PCDHA11: variants seen among roughly 807,000 people sequenced by gnomAD.
PCDHA11 encodes the protein protocadherin alpha 11.
PCDHA11 carries 61 observed loss-of-function variants against 70.3 expected under a neutral mutation model. The ratio of observed to expected loss-of-function variants is 0.87; its 90% CI spans 0.71 to 1.07. The LOEUF is 1.07. PCDHA11 is among the 50% of genes least tolerant of loss of function. PCDHA11 has a pLI of 0.00. For missense variants in PCDHA11, 1,324 were observed against 1,237.5 expected (o/e 1.07, Z -1.05); for synonymous variants, 633 against 555.1 (o/e 1.14, Z -1.97).
At chr5:140,997,062 G>T (rs1159348962) in intron 3 of PCDHA11, among the ~76,000 whole-genome samples, 2 of 151,910 alleles carry the variant, frequency 1.3e-5, no homozygotes, top group African/African-American at 4.8e-5. Flanking sequence ...GCAGTTTTAG[G>T]TTCACAGGAA....
intron 1 of PCDHA11, among the ~76,000 whole-genome samples, chr5:140,889,020 TG>T (rs1554183734): frequency 1.3e-5 from 2 of 152,126 alleles, no homozygotes; most frequent in Non-Finnish European, 2.9e-5. Context: ...TCTACTTCCT[TG>T]GATAACCGTA....
intron 1 of PCDHA11, among the ~76,000 whole-genome samples, chr5:140,906,797 A>G (rs2072940556): frequency 6.6e-6 from 1 of 151,964 alleles, no homozygotes; most frequent in African/African-American, 2.4e-5. Context: ...TTCCATGCAT[A>G]CTCTTCCTTA....
At chr5:140,940,159 C>CT (rs1401623923) in intron 1 of PCDHA11, among the ~76,000 whole-genome samples, 1 of 151,978 alleles carries the variant, frequency 6.6e-6, no homozygotes, top group East Asian at 1.9e-4. Context: ...TTTTGTTTGC[C>CT]TGAAATGTCA....
intron 3 of PCDHA11, among the ~76,000 whole-genome samples, chr5:141,005,737 G>GATGAGAA (rs1365089563): frequency 2.8e-5 from 4 of 143,576 alleles, no homozygotes; most frequent in Non-Finnish European, 6.0e-5. Context: ...AAAAAGAATG[G>GATGAGAA]ATGAGAAATC....
intron 1 of PCDHA11, chr5:140,966,193 G>C (rs1554228123): frequency 4.8e-6 from 1 of 207,392 alleles, no homozygotes; most frequent in Non-Finnish European, 9.5e-6. Flanking sequence ...CAGACTTCTA[G>C]GGGCTTGACT....
intron 3 of PCDHA11, among the ~76,000 whole-genome samples, chr5:141,003,429 A>G (rs782300910): frequency 6.6e-5 from 10 of 152,138 alleles, no homozygotes; most frequent in Non-Finnish European, 1.3e-4. Flanking sequence ...CTTATGCCTC[A>G]GCCTCCCAAG....
intron 1 of PCDHA11, among the ~76,000 whole-genome samples, chr5:140,886,288 A>T (rs1227734409): frequency 6.6e-6 from 1 of 151,870 alleles, no homozygotes; most frequent in Non-Finnish European, 1.5e-5. Flanking sequence ...AATTATTTTT[A>T]TATTTATTTA....
At chr5:140,876,884 G>A (rs782742455) in intron 1 of PCDHA11, 11 of 1,614,028 alleles carry the variant, frequency 6.8e-6, no homozygotes, top group East Asian at 2.2e-5. Flanking sequence ...AACCCGCCGG[G>A]CTGCCACATC....
At chr5:140,967,150 C>G (rs1400431511) in intron 1 of PCDHA11, 1 of 1,610,886 alleles carries the variant, frequency 6.2e-7, no homozygotes, top group African/African-American at 1.3e-5. Context: ...CGCACAACCC[C>G]GTGGCGGTGA....
intron 3 of PCDHA11, among the ~76,000 whole-genome samples, chr5:140,995,219 GT>G (rs1554254532): frequency 6.6e-6 from 1 of 152,072 alleles, no homozygotes; most frequent in East Asian, 1.9e-4. Flanking sequence ...CAATACTCTT[GT>G]GCTTTGGGGC....
chr5:140,926,533 A>G (rs957359754), intron 1 of PCDHA11: 23 of 211,100 alleles, frequency 1.1e-4, no homozygotes, highest in East Asian at 3.3e-4. Context: ...GCCCGCAGCC[A>G]GCGTGGTGGT....
At chr5:140,877,559 T>C in intron 1 of PCDHA11, 1 of 1,613,754 alleles carries the variant, frequency 6.2e-7, no homozygotes, top group South Asian at 1.1e-5. Context: ...CTGGTGGATA[T>C]TAACGTGTAC....
intron 1 of PCDHA11, among the ~76,000 whole-genome samples, chr5:140,950,636 T>A (rs528587890): frequency 1.4e-3 from 206 of 152,222 alleles, no homozygotes; most frequent in Non-Finnish European, 2.4e-3. Flanking sequence ...TTTATTTTTA[T>A]CCTGTTTATG....
At chr5:140,901,666 T>C (rs539450371) in intron 1 of PCDHA11, among the ~76,000 whole-genome samples, 12 of 152,346 alleles carry the variant, frequency 7.9e-5, no homozygotes, top group African/African-American at 2.6e-4. Context: ...TTGCTCAAGA[T>C]ACCTTTAGGT....
intron 1 of PCDHA11, chr5:140,877,996 AT>A (rs1305761926): frequency 2.6e-5 from 27 of 1,037,884 alleles, no homozygotes; most frequent in Non-Finnish European, 3.2e-5. Flanking sequence ...ACTTTTATGT[AT>A]TTGTCTAACA....
At chr5:140,883,945 C>T in intron 1 of PCDHA11, 1 of 1,613,378 alleles carries the variant, frequency 6.2e-7, no homozygotes, top group Non-Finnish European at 8.5e-7. Context: ...TGGACGAGAA[C>T]GACAACGCTC....
chr5:140,876,847 G>T, intron 1 of PCDHA11: 1 of 1,614,140 alleles, frequency 6.2e-7, no homozygotes, highest in Non-Finnish European at 8.5e-7. Context: ...CGCGCAGCCC[G>T]AGTACACAGT....
intron 3 of PCDHA11, among the ~76,000 whole-genome samples, chr5:140,994,980 C>A (rs1311252472): frequency 4.6e-5 from 7 of 151,992 alleles, no homozygotes; most frequent in Admixed American, 1.3e-4. Flanking sequence ...CCATGGAGAC[C>A]CACTAGAAGG....
At chr5:140,915,825 C>T (rs1272581051) in intron 1 of PCDHA11, among the ~76,000 whole-genome samples, 1 of 152,118 alleles carries the variant, frequency 6.6e-6, no homozygotes, top group Non-Finnish European at 1.5e-5. Flanking sequence ...GGCCCTAGGG[C>T]TCTAAGATCA....
Sources: gnomAD v4.1 joint callset for allele counts (sites outside exome capture counted in the v4.1 genomes callset) on GRCh38, gnomAD v4.1.1 for gene constraint, MANE v1.5 for transcripts, NCBI Gene and HGNC (gene_info 2026-07-23, HGNC 2026-07-21) for gene names.